The following NR6A1 variants were observed in gnomAD, a reference collection of about 807,000 sequenced individuals.
NR6A1 encodes nuclear receptor subfamily 6 group A member 1.
NR6A1 carries 7 observed loss-of-function variants against 59.1 expected under a neutral mutation model. The observed-to-expected ratio is 0.12, with a 90% CI of 0.07 to 0.22. The LOEUF is 0.22. NR6A1 is among the 10% of genes least tolerant of loss of function. The pLI, the probability that NR6A1 is intolerant of heterozygous loss-of-function variation, is 1.00. For synonymous variants in NR6A1, 243 were observed against 236.1 expected, an observed-to-expected ratio of 1.03 and a Z score of -0.27; for missense variants, 468 against 611.6, an observed-to-expected ratio of 0.77 and a Z score of 2.48.
At chr9:124,651,905 T>G (rs995718925) in intron 2 of NR6A1, among the ~76,000 whole-genome samples, 3 of 152,146 alleles carry the variant, frequency 2.0e-5, no homozygotes, top group African/African-American at 7.2e-5. Flanking sequence ...CACCTGACCA[T>G]TTCTGCCTCT....
At chr9:124,692,599 C>T (rs747386830) in intron 2 of NR6A1, 12 of 392,100 alleles carry the variant, frequency 3.1e-5, no homozygotes, top group Non-Finnish European at 6.9e-5. Context: ...TGTACCTTCA[C>T]ATGTCACATG....
At chr9:124,646,463 T>C (rs1295606599) in intron 2 of NR6A1, among the ~76,000 whole-genome samples, 4 of 151,978 alleles carry the variant, frequency 2.6e-5, no homozygotes, top group African/African-American at 4.8e-5. Context: ...AAAAATGAAA[T>C]AGGGGACCTC....
chr9:124,561,930 T>A (rs1435245134), intron 2 of NR6A1, among the ~76,000 whole-genome samples: 1 of 151,848 alleles, frequency 6.6e-6, no homozygotes, highest in Non-Finnish European at 1.5e-5. Context: ...AATAAATAAA[T>A]AAAAACAAAA....
At position 124,565,188 on chromosome 9, in the gene NR6A1, G is replaced by A. The variant is rs1588670650; in HGVS notation, c.143-10618C>T. Among the ~76,000 whole-genome samples the A allele has an allele frequency of 3.3e-5, 5 of 152,250 alleles. No homozygotes were observed. In the South Asian group the frequency reaches 1.0e-3, roughly 32 times the overall value. Reference sequence around the variant, plus strand: ...TCACACCTGTAATCCCAGCACTTTGGGAGGCTCTGGCGGGCGGATCATGAG... The same window carrying A: ...TCACACCTGTAATCCCAGCACTTTGAGAGGCTCTGGCGGGCGGATCATGAG... On this transcript the variant is annotated intron_variant, in intron 2 of 9. Coordinates refer to ENST00000487099, the MANE Select transcript of NR6A1 (RefSeq NM_033334.4).
chr9:124,676,407 G>A (rs1004549467), intron 2 of NR6A1, among the ~76,000 whole-genome samples: 5 of 151,964 alleles, frequency 3.3e-5, no homozygotes, highest in African/African-American at 1.2e-4. Flanking sequence ...TAGTTCTGAT[G>A]TGGTCTGGAG....
In NR6A1 at chr9:124,732,291, C is replaced by T. The variant is rs143361336; in HGVS notation, c.142+1017G>A. On this transcript the variant is annotated intron_variant, in intron 2 of 9. Coordinates refer to ENST00000487099, the MANE Select transcript of NR6A1 (RefSeq NM_033334.4). ...TACAATCAGAAAAATAACTCTAGACCATCTCATGGAATCTCAATCTAAATT... is the reference window on the plus strand; with the variant it reads ...TACAATCAGAAAAATAACTCTAGACTATCTCATGGAATCTCAATCTAAATT... Among the ~76,000 whole-genome samples, 660 of 152,306 alleles carry T rather than the reference C, an allele frequency of 4.3e-3. 5 individuals carry two copies. The highest frequency in any genetic ancestry group is 0.015 in the African/African-American group (615 of 41,558).
chr9:124,628,667 G>A (rs1230475889), intron 2 of NR6A1, among the ~76,000 whole-genome samples: 1 of 150,668 alleles, frequency 6.6e-6, no homozygotes, highest in African/African-American at 2.4e-5. Flanking sequence ...AAGAGATGGA[G>A]TCTTGCTCCG....
At chr9:124,590,263 A>G (rs971570285) in intron 2 of NR6A1, among the ~76,000 whole-genome samples, 1 of 151,972 alleles carries the variant, frequency 6.6e-6, no homozygotes, top group Non-Finnish European at 1.5e-5. Flanking sequence ...TTACCATGTT[A>G]AGAAAAATAT....
chr9:124,647,490 G>A (rs1181120607), intron 2 of NR6A1, among the ~76,000 whole-genome samples: 1 of 152,140 alleles, frequency 6.6e-6, no homozygotes, highest in Non-Finnish European at 1.5e-5. Context: ...TACACTGGGA[G>A]GCTGAGGTGG....
chr9:124,687,867 C>A (rs1049669046), intron 2 of NR6A1, among the ~76,000 whole-genome samples: 2 of 152,152 alleles, frequency 1.3e-5, no homozygotes, highest in African/African-American at 4.8e-5. Context: ...AGGATCTGTT[C>A]CAAGACTCCC....
At chr9:124,562,040 A>G (rs1307675139) in intron 2 of NR6A1, among the ~76,000 whole-genome samples, 1 of 152,278 alleles carries the variant, frequency 6.6e-6, no homozygotes, top group Non-Finnish European at 1.5e-5. Flanking sequence ...ACTACCAGTT[A>G]GACAACTGAA....
At chr9:124,737,473 G>C (rs897593630) in intron 1 of NR6A1, among the ~76,000 whole-genome samples, 3 of 152,186 alleles carry the variant, frequency 2.0e-5, no homozygotes, top group South Asian at 2.1e-4. Context: ...TTCTTAGCTA[G>C]AAGAACCCAA....
chr9:124,559,110 T>A (rs1564178719), intron 2 of NR6A1, among the ~76,000 whole-genome samples: 1 of 152,234 alleles, frequency 6.6e-6, no homozygotes, highest in Non-Finnish European at 1.5e-5. Flanking sequence ...AAGAAGTTTT[T>A]ACATACACTA....
chr9:124,674,646 C>T (rs1016775916), intron 2 of NR6A1, among the ~76,000 whole-genome samples: 6 of 152,020 alleles, frequency 3.9e-5, no homozygotes, highest in African/African-American at 1.5e-4. Flanking sequence ...GGCTGCTGCA[C>T]ATCAAAGAAA....
chr9:124,614,101 T>A (rs2130848054), intron 2 of NR6A1, among the ~76,000 whole-genome samples: 1 of 152,060 alleles, frequency 6.6e-6, no homozygotes, highest in African/African-American at 2.4e-5. Flanking sequence ...CAGGTAGAGC[T>A]CAACAGTCCC....
chr9:124,670,843 A>G (rs1338837553), intron 2 of NR6A1, among the ~76,000 whole-genome samples: 1 of 152,214 alleles, frequency 6.6e-6, no homozygotes, highest in Non-Finnish European at 1.5e-5. Flanking sequence ...AACTGGATAG[A>G]AGATAGATAA....
At chr9:124,547,527 A>G (rs1833634828) in intron 3 of NR6A1, among the ~76,000 whole-genome samples, 1 of 152,176 alleles carries the variant, frequency 6.6e-6, no homozygotes, top group African/African-American at 2.4e-5. Context: ...AAAGAAACTT[A>G]AAGTGGAAAA....
At chr9:124,670,937 G>A (rs1485573488) in intron 2 of NR6A1, among the ~76,000 whole-genome samples, 1 of 152,180 alleles carries the variant, frequency 6.6e-6, no homozygotes, top group African/African-American at 2.4e-5. Context: ...CCACAGTGGT[G>A]GCAGTAGAGA....
At chr9:124,701,604 C>G (rs1838952145) in intron 2 of NR6A1, among the ~76,000 whole-genome samples, 1 of 152,176 alleles carries the variant, frequency 6.6e-6, no homozygotes, top group South Asian at 2.1e-4. Context: ...TGAATTTTGC[C>G]TATTCTAGGA....
Sources: allele counts gnomAD v4.1 joint callset (sites outside exome capture counted in the v4.1 genomes callset), GRCh38; gene constraint gnomAD v4.1.1; transcripts MANE v1.5; gene names NCBI Gene and HGNC (gene_info 2026-07-23, HGNC 2026-07-21).